The following LRP1B variants were observed in gnomAD, a reference collection of about 807,000 sequenced individuals.
LRP1B encodes LDL receptor related protein 1B, also known as low-density lipoprotein receptor-related protein 1B.
Under a neutral mutation model 556.6 loss-of-function variants are expected in LRP1B, and 217 were observed. The observed-to-expected ratio is 0.39, with a 90% CI of 0.35 to 0.44. LRP1B has a LOEUF of 0.44. Among genes scored for constraint, LRP1B ranks in the 20% least tolerant of loss-of-function variants. LRP1B has a pLI of 1.00. For missense variants in LRP1B, 5,053 were observed against 5,620.8 expected (o/e 0.90, Z 3.23); for synonymous variants, 2,047 against 1,865.8 (o/e 1.10, Z -2.50).
Position 142,130,631 on chromosome 2 carries a change from G to C in LRP1B, c.82+17C>G. The C allele has an allele frequency of 6.3e-7, 1 of 1,598,640 alleles. No homozygotes were observed. Among genetic ancestry groups the C allele is most frequent in the East Asian group, 2.3e-5 (1 of 44,266 alleles). On this transcript the variant is annotated intron_variant, in intron 1 of 90. Transcript: ENST00000389484. ...CAAGGAAGTCAGGGGAGGGGAGCGGGGAGGTGTTCTCCTTACCTCGGTCGG... is the reference window on the plus strand; with the variant it reads ...CAAGGAAGTCAGGGGAGGGGAGCGGCGAGGTGTTCTCCTTACCTCGGTCGG...
chr2:141,812,308 T>TTTATTAGTAATTATTAGTAA (rs11278321), intron 1 of LRP1B, among the ~76,000 whole-genome samples: 4 of 151,850 alleles, frequency 2.6e-5, no homozygotes, highest in African/African-American at 7.3e-5. Flanking sequence ...TGAAAGTAGG[T>TTTATTAGTAATTATTAGTAA]TTATTAGTAA....
At chr2:142,102,919 T>C (rs1305625315) in intron 1 of LRP1B, among the ~76,000 whole-genome samples, 4 of 151,948 alleles carry the variant, frequency 2.6e-5, no homozygotes, top group African/African-American at 9.7e-5. Flanking sequence ...AGCACTATTT[T>C]AATTACTCCT....
chr2:141,135,608 A>C (rs1359424774), intron 7 of LRP1B, among the ~76,000 whole-genome samples: 1 of 151,948 alleles, frequency 6.6e-6, no homozygotes, highest in African/African-American at 2.4e-5. Context: ...AGTTTAATGA[A>C]TTTCCTTTAT....
At chr2:141,888,591 AT>A (rs1699192926) in intron 1 of LRP1B, among the ~76,000 whole-genome samples, 1 of 152,216 alleles carries the variant, frequency 6.6e-6, no homozygotes, top group South Asian at 2.1e-4. Flanking sequence ...AGGGGAAAAT[AT>A]GGATGAAATA....
intron 31 of LRP1B, among the ~76,000 whole-genome samples, chr2:140,835,879 C>T (rs1691884072): frequency 6.6e-6 from 1 of 152,264 alleles, no homozygotes; most frequent in Non-Finnish European, 1.5e-5. Context: ...AGGACTCCTG[C>T]GTCCATGTGC....
At chr2:141,762,822 TAGTA>T (rs1465041825) in intron 2 of LRP1B, among the ~76,000 whole-genome samples, 1 of 152,206 alleles carries the variant, frequency 6.6e-6, no homozygotes, top group Non-Finnish European at 1.5e-5. Context: ...ATTTAAAAGT[TAGTA>T]AATGGATTTA....
At chr2:141,275,763 T>C (rs1389959542) in intron 3 of LRP1B, among the ~76,000 whole-genome samples, 1 of 152,124 alleles carries the variant, frequency 6.6e-6, no homozygotes, top group East Asian at 1.9e-4. Context: ...TTTTTAAATA[T>C]GCAGACTAAA....
intron 60 of LRP1B, among the ~76,000 whole-genome samples, chr2:140,460,534 C>T (rs1159009803): frequency 6.6e-6 from 1 of 152,012 alleles, no homozygotes; most frequent in Non-Finnish European, 1.5e-5. Flanking sequence ...AGTTATATGA[C>T]CAGTTGTCTG....
chr2:140,980,984 AC>A (rs1696751705), intron 18 of LRP1B, among the ~76,000 whole-genome samples: 1 of 152,158 alleles, frequency 6.6e-6, no homozygotes, highest in Non-Finnish European at 1.5e-5. Context: ...AAGTGGAGTA[AC>A]TCAGGAATGG....
chr2:140,316,625 C>CTAGGCATACAAGTTACCTGATTT (rs1684530212), intron 82 of LRP1B, among the ~76,000 whole-genome samples: 1 of 152,036 alleles, frequency 6.6e-6, no homozygotes, highest in African/African-American at 2.4e-5. Context: ...CTGCCGCTTA[C>CTAGGCATACAAGTTACCTGATTT]TAGGCATACA....
chr2:140,715,683 A>G (rs1219881073), intron 37 of LRP1B, among the ~76,000 whole-genome samples: 7 of 152,122 alleles, frequency 4.6e-5, no homozygotes, highest in African/African-American at 1.2e-4. Flanking sequence ...ATAATTGAAT[A>G]CCTAATTATG....
intron 15 of LRP1B, among the ~76,000 whole-genome samples, chr2:140,997,462 A>G (rs1358610400): frequency 6.6e-6 from 1 of 151,758 alleles, no homozygotes; most frequent in East Asian, 1.9e-4. Flanking sequence ...TCCTGACCTC[A>G]GTTTAATAAC....
intron 5 of LRP1B, among the ~76,000 whole-genome samples, chr2:141,238,407 C>T (rs911088061): frequency 3.3e-5 from 5 of 152,056 alleles, no homozygotes; most frequent in South Asian, 2.1e-4. Context: ...TTTGAAAACA[C>T]GGGTCCTTAG....
chr2:141,534,903 C>G (rs866381744), intron 2 of LRP1B, among the ~76,000 whole-genome samples: 2 of 152,118 alleles, frequency 1.3e-5, no homozygotes, highest in Non-Finnish European at 2.9e-5. Context: ...TGTTTCCCCC[C>G]ACTACTTCCT....
At chr2:141,217,324 T>C (rs76770784) in intron 6 of LRP1B, among the ~76,000 whole-genome samples, 3,694 of 152,274 alleles carry the variant, frequency 0.024, 48 homozygotes, top group Non-Finnish European at 0.033. Context: ...GATAATTATA[T>C]ATAGTATACA....
chr2:141,179,840 G>T (rs756549678), intron 7 of LRP1B, among the ~76,000 whole-genome samples: 2 of 149,904 alleles, frequency 1.3e-5, no homozygotes, highest in African/African-American at 4.9e-5. Context: ...GCAAGGCTCA[G>T]CAGTCAAGCA....
intron 20 of LRP1B, among the ~76,000 whole-genome samples, chr2:140,938,250 T>C (rs1308687668): frequency 6.6e-6 from 1 of 152,046 alleles, no homozygotes; most frequent in Non-Finnish European, 1.5e-5. Flanking sequence ...AAGACAAATA[T>C]GGTCTTTGTG....
chr2:140,282,595 G>A (rs1682961767), intron 84 of LRP1B, among the ~76,000 whole-genome samples: 1 of 151,598 alleles, frequency 6.6e-6, no homozygotes, highest in African/African-American at 2.4e-5. Context: ...GACATCTTAG[G>A]ACCTACCCAG....
At chr2:141,730,352 G>A (rs1693224269) in intron 2 of LRP1B, among the ~76,000 whole-genome samples, 1 of 152,108 alleles carries the variant, frequency 6.6e-6, no homozygotes, top group South Asian at 2.1e-4. Flanking sequence ...GAGGAGTACT[G>A]AGGAGCTGCC....
Sources: allele counts gnomAD v4.1 joint callset (sites outside exome capture counted in the v4.1 genomes callset), GRCh38; gene constraint gnomAD v4.1.1; transcripts MANE v1.5; gene names NCBI Gene and HGNC (gene_info 2026-07-23, HGNC 2026-07-21).